TDRD3: variants seen among roughly 807,000 people sequenced by gnomAD.
The protein encoded by TDRD3 is tudor domain containing 3.
Under a neutral mutation model 86.7 loss-of-function variants are expected in TDRD3, and 45 were observed. That is an observed-to-expected ratio of 0.52 (90% CI 0.41 to 0.67). TDRD3 has a LOEUF of 0.67. TDRD3 is among the 30% of genes least tolerant of loss of function. TDRD3 has a pLI of 0.00. For synonymous variants in TDRD3, 298 were observed against 301.7 expected, an observed-to-expected ratio of 0.99 and a Z score of 0.13; for missense variants, 814 against 889.0, an observed-to-expected ratio of 0.92 and a Z score of 1.07.
At chr13:60,430,172 C>T (rs1954917428) in intron 1 of TDRD3, among the ~76,000 whole-genome samples, 1 of 152,140 alleles carries the variant, frequency 6.6e-6, no homozygotes, top group South Asian at 2.1e-4. Flanking sequence ...GTGATAGTCT[C>T]TCCAGCTACT....
intron 12 of TDRD3, among the ~76,000 whole-genome samples, chr13:60,542,510 C>T (rs1957840354): frequency 6.6e-6 from 1 of 152,156 alleles, no homozygotes; most frequent in African/African-American, 2.4e-5. Context: ...TCTAAAAAAG[C>T]AGAAAAATAA....
At chr13:60,512,867 G>C (rs1244004500) in intron 10 of TDRD3, among the ~76,000 whole-genome samples, 1 of 152,150 alleles carries the variant, frequency 6.6e-6, no homozygotes, top group East Asian at 1.9e-4. Context: ...AATGGTGCAA[G>C]CTGTTGGTGG....
chr13:60,523,289 G>A (rs1330327557), intron 10 of TDRD3, among the ~76,000 whole-genome samples: 5 of 152,124 alleles, frequency 3.3e-5, no homozygotes, highest in Non-Finnish European at 7.3e-5. Flanking sequence ...GATTAATTTA[G>A]TACATCCTTA....
intron 10 of TDRD3, among the ~76,000 whole-genome samples, chr13:60,523,482 T>C (rs2137739769): frequency 6.6e-6 from 1 of 152,270 alleles, no homozygotes; most frequent in East Asian, 1.9e-4. Flanking sequence ...TAGCATTCTT[T>C]GATTAGTTTT....
chr13:60,533,601 A>G (rs994305457), intron 11 of TDRD3, among the ~76,000 whole-genome samples: 1 of 152,138 alleles, frequency 6.6e-6, no homozygotes, highest in Non-Finnish European at 1.5e-5. Context: ...AGATTGCACC[A>G]CTGCACTCCA....
At chr13:60,498,228 G>A (rs1428306444) in intron 8 of TDRD3, among the ~76,000 whole-genome samples, 1 of 152,040 alleles carries the variant, frequency 6.6e-6, no homozygotes, top group African/African-American at 2.4e-5. Flanking sequence ...GATTTGTGAG[G>A]GCAGCACAGG....
At chr13:60,470,971 T>C (rs1460143789) in intron 5 of TDRD3, among the ~76,000 whole-genome samples, 1 of 152,202 alleles carries the variant, frequency 6.6e-6, no homozygotes, top group Non-Finnish European at 1.5e-5. Context: ...AGATCTTCTT[T>C]GGAGAAATTT....
chr13:60,403,510 A>G (rs550280822), intron 1 of TDRD3, among the ~76,000 whole-genome samples: 1 of 152,354 alleles, frequency 6.6e-6, no homozygotes, highest in Non-Finnish European at 1.5e-5. Context: ...AAGAATACTG[A>G]ATGCCCAGAA....
intron 1 of TDRD3, among the ~76,000 whole-genome samples, chr13:60,411,639 G>A (rs1954372345): frequency 6.6e-6 from 1 of 151,910 alleles, no homozygotes; most frequent in African/African-American, 2.4e-5. Flanking sequence ...AAAATAGTTA[G>A]ACAGTTCTGC....
chr13:60,538,398 G>A (rs1251105344), intron 12 of TDRD3, among the ~76,000 whole-genome samples: 1 of 78,206 alleles, frequency 1.3e-5, no homozygotes, highest in African/African-American at 4.5e-5. Context: ...TTTTTTTTTT[G>A]GCTGTCTTAA....
chr13:60,406,589 G>T (rs1456859667), intron 1 of TDRD3, among the ~76,000 whole-genome samples: 1 of 152,152 alleles, frequency 6.6e-6, no homozygotes, highest in East Asian at 1.9e-4. Context: ...AGAAATTTTA[G>T]CATTTTTAGA....
chr13:60,444,671 T>A lies in TDRD3; in HGVS notation c.127-12T>A. On this transcript the variant is annotated splice_polypyrimidine_tract_variant and intron_variant, in intron 2 of 13. Transcript: ENST00000377881. ...CTATAATTCCATTTTAATAATAATA[T>A]TTTTATTTTAGACAGATCTGAGAAC... is the stretch of plus-strand genomic sequence containing the variant. 1 of 1,327,652 alleles carries A rather than the reference T, an allele frequency of 7.5e-7. No homozygotes were observed. Among genetic ancestry groups the A allele is most frequent in the East Asian group, 2.7e-5 (1 of 36,948 alleles). The allele number at this position is 1,327,652 out of a possible 1,614,324, so 82.2% of individuals were successfully genotyped here.
intron 2 of TDRD3, among the ~76,000 whole-genome samples, chr13:60,442,177 T>C (rs746187356): frequency 2.6e-5 from 4 of 152,200 alleles, no homozygotes; most frequent in Admixed American, 6.6e-5. Flanking sequence ...ATCCAGCATG[T>C]AAGTTTTACG....
intron 8 of TDRD3, among the ~76,000 whole-genome samples, chr13:60,504,918 G>A (rs186575175): frequency 4.9e-4 from 74 of 152,312 alleles, no homozygotes; most frequent in African/African-American, 9.1e-4. Flanking sequence ...CAGATACTAT[G>A]CTTTTCTCAC....
chr13:60,481,260 TG>T (rs1566229183), intron 5 of TDRD3, among the ~76,000 whole-genome samples: 1 of 152,164 alleles, frequency 6.6e-6, no homozygotes, highest in Admixed American at 6.5e-5. Context: ...TGAACTTTTT[TG>T]ATCTATGAGT....
chr13:60,405,108 C>G (rs552081077), intron 1 of TDRD3, among the ~76,000 whole-genome samples: 2 of 152,126 alleles, frequency 1.3e-5, no homozygotes, highest in East Asian at 3.9e-4. Context: ...GTAAATTGCC[C>G]GGTCTCAGGT....
At chr13:60,564,230 C>G (rs1027963854) in intron 12 of TDRD3, among the ~76,000 whole-genome samples, 1 of 151,938 alleles carries the variant, frequency 6.6e-6, no homozygotes, top group African/African-American at 2.4e-5. Flanking sequence ...CATGACACAG[C>G]CCTCAGGAGG....
intron 5 of TDRD3, among the ~76,000 whole-genome samples, chr13:60,468,567 G>A (rs572953958): frequency 1.3e-5 from 2 of 152,172 alleles, no homozygotes; most frequent in Non-Finnish European, 2.9e-5. Context: ...AGTTCTGCAC[G>A]TATCTGTTGA....
intron 1 of TDRD3, among the ~76,000 whole-genome samples, chr13:60,405,880 T>C (rs954698463): frequency 5.3e-5 from 8 of 152,142 alleles, no homozygotes; most frequent in Non-Finnish European, 8.8e-5. Context: ...ATGGTTGAGA[T>C]AGAGAGCAGC....
Sources: allele counts gnomAD v4.1 joint callset (sites outside exome capture counted in the v4.1 genomes callset), GRCh38; gene constraint gnomAD v4.1.1; transcripts MANE v1.5; gene names NCBI Gene and HGNC (gene_info 2026-07-23, HGNC 2026-07-21).